Variants in FSTL5 observed in about 807,000 individuals in gnomAD.
FSTL5 encodes the protein follistatin like 5, also known as follistatin-related protein 5.
FSTL5 carries 62 observed loss-of-function variants against 89.1 expected under a neutral mutation model. The observed-to-expected ratio is 0.70, with a 90% CI of 0.57 to 0.86. FSTL5 has a LOEUF of 0.86. Ranked by LOEUF, FSTL5 falls within the 40% of genes least tolerant of loss-of-function variation. The probability of loss-of-function intolerance (pLI) is 0.00; values close to 1 mark genes in which losing one functional copy is unlikely to be tolerated. For missense variants in FSTL5, 1,057 were observed against 1,001.6 expected, an observed-to-expected ratio of 1.06 and a Z score of -0.75; for synonymous variants, 383 against 346.2, an observed-to-expected ratio of 1.11 and a Z score of -1.18.
chr4:162,154,765 T>C (rs1733400957), intron 1 of FSTL5, among the ~76,000 whole-genome samples: 1 of 152,110 alleles, frequency 6.6e-6, no homozygotes, highest in Non-Finnish European at 1.5e-5. Flanking sequence ...AAATCCAATG[T>C]GGATCAATTA....
chr4:161,714,613 C>G (rs887969622), intron 6 of FSTL5, among the ~76,000 whole-genome samples: 7 of 152,188 alleles, frequency 4.6e-5, no homozygotes, highest in African/African-American at 1.7e-4. Flanking sequence ...CAGTCTGACA[C>G]TGTCATCTGC....
intron 9 of FSTL5, among the ~76,000 whole-genome samples, chr4:161,540,112 A>T (rs1211814186): frequency 6.6e-6 from 1 of 152,118 alleles, no homozygotes; most frequent in African/African-American, 2.4e-5. Flanking sequence ...CAGAACTACC[A>T]ATCCCTTTAT....
chr4:161,684,853 T>C (rs187288440), intron 6 of FSTL5, among the ~76,000 whole-genome samples: 7 of 152,302 alleles, frequency 4.6e-5, no homozygotes, highest in Non-Finnish European at 1.0e-4. Context: ...GAAGGGTTTT[T>C]CCAATGTTAT....
At chr4:161,802,452 T>C (rs1007205277) in intron 4 of FSTL5, among the ~76,000 whole-genome samples, 1 of 151,720 alleles carries the variant, frequency 6.6e-6, no homozygotes, top group African/African-American at 2.4e-5. Context: ...GGGAAAGTGA[T>C]GTAGAACTCT....
At position 161,385,642 on chromosome 4, in the gene FSTL5, G is replaced by T; in HGVS notation, c.*105C>A. 1.2e-6 allele frequency: 1 copy of T among 827,254 alleles called. No individual in the cohort carries two copies. Among genetic ancestry groups the T allele is most frequent in the Non-Finnish European group, 1.9e-6 (1 of 528,334 alleles). 51.2% of individuals were successfully genotyped at this position (827,254 alleles called of 1,614,324 possible). A position where few individuals can be genotyped will look rare whatever the true frequency, so the allele number is the denominator to read the frequency against. ...TATTTGGACCAACCAAGTAAATTTT[G>T]TTTGACTAGGATATAAACTTGGAAA... is the stretch of plus-strand genomic sequence containing the variant. On this transcript the variant is annotated 3_prime_UTR_variant, in exon 16 of 16. Coordinates refer to ENST00000306100, the MANE Select transcript of FSTL5 (RefSeq NM_020116.5).
chr4:161,805,177 T>C (rs893572466), intron 4 of FSTL5, among the ~76,000 whole-genome samples: 7 of 152,136 alleles, frequency 4.6e-5, no homozygotes, highest in East Asian at 1.9e-4. Context: ...GCATTCCTGA[T>C]ATAATTTTTG....
In FSTL5 at chr4:161,667,005, C is replaced by A. The variant is rs182152676; in HGVS notation, c.728-10511G>T. 2.0e-4 allele frequency among the ~76,000 whole-genome samples: 31 copies of A among 152,046 alleles called. No homozygotes were observed. The East Asian group carries it at 4.2e-3, about 21-fold the overall frequency. On this transcript the variant is annotated intron_variant, in intron 6 of 15. Coordinates refer to ENST00000306100, the MANE Select transcript of FSTL5 (RefSeq NM_020116.5). ...CAGAATTGAAATATTGTTTTTTATT[C>A]TCATTATATTCTTTTTGTATACTAA...
intron 10 of FSTL5, among the ~76,000 whole-genome samples, chr4:161,533,418 A>G (rs1180552449): frequency 6.6e-6 from 1 of 152,108 alleles, no homozygotes; most frequent in African/African-American, 2.4e-5. Context: ...AGAAATAGAA[A>G]AGATCCTCAG....
intron 3 of FSTL5, among the ~76,000 whole-genome samples, chr4:161,954,918 A>T (rs1280805080): frequency 1.3e-5 from 2 of 151,706 alleles, no homozygotes; most frequent in Non-Finnish European, 3.0e-5. Context: ...AAAACAAGCA[A>T]AATTCAATGA....
At chr4:161,932,875 G>A (rs1330573447) in intron 3 of FSTL5, among the ~76,000 whole-genome samples, 1 of 151,718 alleles carries the variant, frequency 6.6e-6, no homozygotes, top group Non-Finnish European at 1.5e-5. Flanking sequence ...AAATTCCTAG[G>A]CTTCTAAATG....
chr4:161,895,587 T>C (rs115624654), intron 4 of FSTL5, among the ~76,000 whole-genome samples: 1,641 of 152,274 alleles, frequency 0.011, 27 homozygotes, highest in African/African-American at 0.038. Flanking sequence ...ACAGCAGTTG[T>C]AGTTTTGATG....
At chr4:161,511,808 C>CAAATGTAA (rs1730663037) in intron 10 of FSTL5, among the ~76,000 whole-genome samples, 1 of 151,868 alleles carries the variant, frequency 6.6e-6, no homozygotes, top group African/African-American at 2.4e-5. Flanking sequence ...TCAAATTCAG[C>CAAATGTAA]AAATGTGGAC....
intron 12 of FSTL5, among the ~76,000 whole-genome samples, chr4:161,487,790 G>C (rs1729730831): frequency 6.6e-6 from 1 of 151,946 alleles, no homozygotes; most frequent in South Asian, 2.1e-4. Context: ...AATACTTGGA[G>C]ATATAATGTT....
At chr4:161,892,423 T>C (rs1733016898) in intron 4 of FSTL5, among the ~76,000 whole-genome samples, 1 of 152,050 alleles carries the variant, frequency 6.6e-6, no homozygotes, top group South Asian at 2.1e-4. Flanking sequence ...AAAAGTTAGT[T>C]AATTTTATAT....
chr4:162,028,804 A>G (rs1737399259), intron 3 of FSTL5, among the ~76,000 whole-genome samples: 4 of 152,270 alleles, frequency 2.6e-5, no homozygotes, highest in African/African-American at 9.6e-5. Context: ...AGTCAATGTA[A>G]TATAGCTAAT....
intron 12 of FSTL5, among the ~76,000 whole-genome samples, chr4:161,484,598 G>T (rs751930224): frequency 1.3e-4 from 19 of 151,880 alleles, no homozygotes; most frequent in African/African-American, 4.6e-4. Flanking sequence ...CCAACCTTTC[G>T]CTCTAAACTA....
intron 13 of FSTL5, among the ~76,000 whole-genome samples, chr4:161,462,664 T>G (rs1409000493): frequency 1.3e-5 from 2 of 152,124 alleles, no homozygotes; most frequent in Non-Finnish European, 2.9e-5. Context: ...AGTAAAGTAC[T>G]TAGCGTGTGC....
intron 3 of FSTL5, among the ~76,000 whole-genome samples, chr4:161,961,035 T>C (rs1308330076): frequency 6.6e-6 from 1 of 152,100 alleles, no homozygotes; most frequent in Non-Finnish European, 1.5e-5. Context: ...TTTAATTAAA[T>C]ATGCTTTAAA....
chr4:161,624,221 C>A (rs1043342511), intron 7 of FSTL5, among the ~76,000 whole-genome samples: 4 of 152,032 alleles, frequency 2.6e-5, no homozygotes, highest in Non-Finnish European at 5.9e-5. Context: ...ACTGACCTAA[C>A]ATCCCTTTAT....
Sources: gnomAD v4.1 joint callset for allele counts (sites outside exome capture counted in the v4.1 genomes callset) on GRCh38, gnomAD v4.1.1 for gene constraint, MANE v1.5 for transcripts, NCBI Gene and HGNC (gene_info 2026-07-23, HGNC 2026-07-21) for gene names.